C8orf34: variants seen among roughly 807,000 people sequenced by gnomAD.
C8orf34 encodes uncharacterized protein C8orf34.
Under a neutral mutation model 68.3 loss-of-function variants are expected in C8orf34, and 65 were observed. The observed-to-expected ratio is 0.95, with a 90% CI of 0.78 to 1.17. C8orf34 has a LOEUF of 1.17. C8orf34 is among the 50% of genes most tolerant of loss of function. The pLI, the probability that C8orf34 is intolerant of heterozygous loss-of-function variation, is 0.00. For missense variants in C8orf34, 664 were observed against 655.4 expected (o/e 1.01, Z -0.14); for synonymous variants, 244 against 241.2 (o/e 1.01, Z -0.11).
At chr8:68,456,247 CTCTG>C (rs916289571) in intron 3 of C8orf34, among the ~76,000 whole-genome samples, 62 of 150,070 alleles carry the variant, frequency 4.1e-4, no homozygotes, top group African/African-American at 1.4e-3. Flanking sequence ...CAGAGCGACA[CTCTG>C]TCTGAAAAAA....
rs1022374035 is a variant in C8orf34 at position 68,565,537 on chromosome 8, T to G, written c.1105+32388T>G. On this transcript the variant is annotated intron_variant, in intron 7 of 13. Transcript: ENST00000518698. ...GCTGGAAGAGAAGAGAGAAAGGGAA[T>G]GAGCATTTAAAAGACAACGTAGGAA... Among the ~76,000 whole-genome samples, 6 of 152,160 alleles carry G rather than the reference T, an allele frequency of 3.9e-5. No individual in the cohort carries two copies. In the South Asian group the frequency reaches 1.0e-3, roughly 26 times the overall value.
rs115961189 is a variant in C8orf34, at chr8:68,522,105, G to A, written c.938+134G>A. 2,208 of 656,796 alleles carry A rather than the reference G, an allele frequency of 3.4e-3. 44 individuals are homozygous for A. Among genetic ancestry groups the A allele is most frequent in the African/African-American group, 0.033 (1,790 of 53,542 alleles). 40.7% of individuals were successfully genotyped at this position (656,796 alleles called of 1,614,324 possible). A position where few individuals can be genotyped will look rare whatever the true frequency, so the allele number is the denominator to read the frequency against. On this transcript the variant is annotated intron_variant, in intron 6 of 13. Transcript: ENST00000518698. ...AGAAAATTATGTTAGTCTATACATAGGATAAAAACATCAATTGCTGTCTCT... is the reference window on the plus strand; with the variant it reads ...AGAAAATTATGTTAGTCTATACATAAGATAAAAACATCAATTGCTGTCTCT...
chr8:68,546,411 T>A (rs1815881989), intron 7 of C8orf34, among the ~76,000 whole-genome samples: 1 of 151,796 alleles, frequency 6.6e-6, no homozygotes, highest in African/African-American at 2.4e-5. Flanking sequence ...TATAGCTTAA[T>A]GATAAAAAGT....
At position 68,800,236 on chromosome 8, in the gene C8orf34, G is replaced by T. The variant is rs73283863; in HGVS notation, c.1549+12700G>T. On this transcript the variant is annotated intron_variant, in intron 12 of 13. Transcript: ENST00000518698. The stretch of plus-strand genomic sequence containing the variant: ...AAACTTGAGGAGGCCCAGGTGTCTG[G>T]CTCTTTGCATATGTCATGAATTGAT... 9.8e-3 allele frequency among the ~76,000 whole-genome samples: 1,486 copies of T among 152,244 alleles called. 25 individuals are homozygous for T. The highest frequency in any genetic ancestry group is 0.033 in the African/African-American group (1,378 of 41,534).
intron 10 of C8orf34, among the ~76,000 whole-genome samples, chr8:68,739,849 T>C (rs1426801107): frequency 6.6e-6 from 1 of 152,138 alleles, no homozygotes; most frequent in African/African-American, 2.4e-5. Context: ...TCATGCTACC[T>C]GACTTCAAAC....
intron 10 of C8orf34, among the ~76,000 whole-genome samples, chr8:68,773,655 G>A (rs907299730): frequency 2.0e-5 from 3 of 152,020 alleles, no homozygotes; most frequent in African/African-American, 7.2e-5. Flanking sequence ...CAAAGTGCTG[G>A]GATTACAGGT....
intron 7 of C8orf34, among the ~76,000 whole-genome samples, chr8:68,568,676 G>A (rs1298597449): frequency 6.6e-6 from 1 of 151,986 alleles, no homozygotes; most frequent in Non-Finnish European, 1.5e-5. Context: ...TTTTATGAAG[G>A]CCCATAAGTT....
intron 1 of C8orf34, among the ~76,000 whole-genome samples, chr8:68,376,609 C>T (rs1248924386): frequency 6.6e-6 from 1 of 151,026 alleles, no homozygotes; most frequent in Admixed American, 6.6e-5. Flanking sequence ...GCATCTTTCT[C>T]CTTTTTTTTT....
intron 8 of C8orf34, among the ~76,000 whole-genome samples, chr8:68,688,820 T>C (rs980776153): frequency 1.3e-5 from 2 of 151,832 alleles, no homozygotes; most frequent in African/African-American, 4.8e-5. Context: ...CAACACATAC[T>C]GGGGCCTGTT....
At chr8:68,723,754 T>A (rs1002729163) in intron 10 of C8orf34, among the ~76,000 whole-genome samples, 1 of 152,130 alleles carries the variant, frequency 6.6e-6, no homozygotes, top group Non-Finnish European at 1.5e-5. Context: ...CCCATCAAGA[T>A]ATATCCTGTC....
chr8:68,489,861 A>G (rs1813235265), intron 5 of C8orf34, among the ~76,000 whole-genome samples: 2 of 152,348 alleles, frequency 1.3e-5, no homozygotes, highest in South Asian at 4.1e-4. Context: ...GTACCAGAAG[A>G]ATGTATTTCT....
rs534526496 is a variant in C8orf34, at chr8:68,743,925, G to C, written c.1404+22488G>C. On this transcript the variant is annotated intron_variant, in intron 10 of 13. Coordinates refer to ENST00000518698, the MANE Select transcript of C8orf34 (RefSeq NM_052958.4). ...CCTGCCTCTGTAGGCTCCACCTCTG[G>C]GGGCAGGGCACAGACAAACAAAAAG... 6.3e-4 allele frequency among the ~76,000 whole-genome samples: 96 copies of C among 152,290 alleles called. 1 individual carries two copies. The East Asian group carries it at 0.016, about 26-fold the overall frequency.
chr8:68,531,134 C>T (rs927785666), intron 6 of C8orf34, among the ~76,000 whole-genome samples: 5 of 152,108 alleles, frequency 3.3e-5, no homozygotes, highest in South Asian at 2.1e-4. Flanking sequence ...TATTCTTCAG[C>T]GTGTATTTCT....
At chr8:68,346,670 A>T (rs976939515) in intron 1 of C8orf34, among the ~76,000 whole-genome samples, 1 of 152,060 alleles carries the variant, frequency 6.6e-6, no homozygotes, top group Non-Finnish European at 1.5e-5. Flanking sequence ...GCCTTTTCTC[A>T]AATGTTACAT....
intron 10 of C8orf34, among the ~76,000 whole-genome samples, chr8:68,724,670 G>T (rs913890839): frequency 6.6e-6 from 1 of 152,202 alleles, no homozygotes; most frequent in Non-Finnish European, 1.5e-5. Context: ...AGCCTATGCA[G>T]GTTAAAACTG....
chr8:68,458,350 T>C (rs1284319722), intron 3 of C8orf34, among the ~76,000 whole-genome samples: 1 of 152,160 alleles, frequency 6.6e-6, no homozygotes, highest in Non-Finnish European at 1.5e-5. Flanking sequence ...CGTGCCCATG[T>C]GGTGCATTCA....
At chr8:68,632,086 G>A (rs1335779965) in intron 7 of C8orf34, among the ~76,000 whole-genome samples, 1 of 152,192 alleles carries the variant, frequency 6.6e-6, no homozygotes, top group Non-Finnish European at 1.5e-5. Context: ...ATAGGAAGAT[G>A]TGGGAAAGTT....
intron 1 of C8orf34, among the ~76,000 whole-genome samples, chr8:68,368,529 T>G (rs756800609): frequency 1.3e-5 from 2 of 152,084 alleles, no homozygotes; most frequent in Non-Finnish European, 2.9e-5. Context: ...CTGAAGAGAG[T>G]GGTAAACTTC....
At chr8:68,526,789 G>C (rs1184626996) in intron 6 of C8orf34, among the ~76,000 whole-genome samples, 1 of 151,464 alleles carries the variant, frequency 6.6e-6, no homozygotes, top group Admixed American at 6.6e-5. Flanking sequence ...TCACCAAAAA[G>C]AACGCATGGA....
Sources: allele counts gnomAD v4.1 joint callset (sites outside exome capture counted in the v4.1 genomes callset), GRCh38; gene constraint gnomAD v4.1.1; transcripts MANE v1.5; gene names NCBI Gene and HGNC (gene_info 2026-07-23, HGNC 2026-07-21).